The following TGFBR3 variants were observed in gnomAD, a reference collection of about 807,000 sequenced individuals.
The protein encoded by TGFBR3 is transforming growth factor beta receptor type 3.
TGFBR3 carries 46 observed loss-of-function variants against 87.9 expected under a neutral mutation model. The ratio of observed to expected loss-of-function variants is 0.52; its 90% CI spans 0.41 to 0.67. The LOEUF is 0.67. Ranked by LOEUF, TGFBR3 falls within the 30% of genes least tolerant of loss-of-function variation. TGFBR3 has a pLI of 0.00. For synonymous variants in TGFBR3, 381 were observed against 391.6 expected (o/e 0.97, Z 0.32); for missense variants, 866 against 1,041.9 (o/e 0.83, Z 2.32).
At chr1:91,810,076 G>A (rs529278041) in intron 2 of TGFBR3, among the ~76,000 whole-genome samples, 7 of 152,178 alleles carry the variant, frequency 4.6e-5, no homozygotes, top group Non-Finnish European at 8.8e-5. Flanking sequence ...GTAAGTGGAC[G>A]GGGACAAGGT....
chr1:91,792,667 T>C (rs1287668057), intron 3 of TGFBR3, among the ~76,000 whole-genome samples: 1 of 152,192 alleles, frequency 6.6e-6, no homozygotes, highest in Admixed American at 6.5e-5. Context: ...AAGCCTCTAA[T>C]GGTGCTGTAA....
At chr1:91,848,409 T>A (rs1677592471) in intron 2 of TGFBR3, among the ~76,000 whole-genome samples, 1 of 152,220 alleles carries the variant, frequency 6.6e-6, no homozygotes, top group Non-Finnish European at 1.5e-5. Context: ...ACTGGCCTAA[T>A]ATTTGTTTAT....
At chr1:91,720,910 G>A (rs958628961) in intron 8 of TGFBR3, among the ~76,000 whole-genome samples, 1 of 152,134 alleles carries the variant, frequency 6.6e-6, no homozygotes, top group African/African-American at 2.4e-5. Flanking sequence ...TGGCCTTTTG[G>A]AACATATTCC....
intron 2 of TGFBR3, among the ~76,000 whole-genome samples, chr1:91,805,012 C>T (rs577716895): frequency 1.3e-5 from 2 of 152,348 alleles, no homozygotes; most frequent in South Asian, 2.1e-4. Context: ...AGCACACACG[C>T]GTGCTCACTT....
chr1:91,905,630 C>T (rs920669237), intron 1 of TGFBR3, among the ~76,000 whole-genome samples: 3 of 151,674 alleles, frequency 2.0e-5, no homozygotes, highest in Admixed American at 6.6e-5. Context: ...GACGGGGTTT[C>T]GCTGATCCAC....
At chr1:91,718,136 T>A (rs1672241462) in intron 10 of TGFBR3, among the ~76,000 whole-genome samples, 1 of 152,054 alleles carries the variant, frequency 6.6e-6, no homozygotes, top group African/African-American at 2.4e-5. Context: ...GGACAAGAGG[T>A]CAGGAAGTTG....
Position 91,802,153 on chromosome 1 carries a change from A to G in TGFBR3, c.62-4682T>C, listed in dbSNP as rs555430253. Among the ~76,000 whole-genome samples the G allele has an allele frequency of 1.1e-4, 17 of 152,266 alleles. No individual in the cohort carries two copies. The East Asian group carries it at 3.3e-3, about 30-fold the overall frequency. On this transcript the variant is annotated intron_variant, in intron 2 of 16. Transcript: ENST00000212355. ...GAAAGGAAAGAGGCAGTGTGATTGT[A>G]TGAAGTTTTCCTTTGAATATCTTGG...
At chr1:91,786,719 C>G (rs575100260) in intron 3 of TGFBR3, among the ~76,000 whole-genome samples, 31 of 151,456 alleles carry the variant, frequency 2.0e-4, no homozygotes, top group Non-Finnish European at 3.5e-4. Flanking sequence ...CCAATGCACT[C>G]CAGCCTGGGT....
chr1:91,900,972 T>G (rs926400931), intron 1 of TGFBR3, among the ~76,000 whole-genome samples: 1 of 152,246 alleles, frequency 6.6e-6, no homozygotes, highest in Non-Finnish European at 1.5e-5. Flanking sequence ...ATGATCCTTC[T>G]GCCTCAGCCT....
At chr1:91,721,184 G>C (rs1410581333) in intron 8 of TGFBR3, among the ~76,000 whole-genome samples, 2 of 152,212 alleles carry the variant, frequency 1.3e-5, no homozygotes, top group Non-Finnish European at 2.9e-5. Flanking sequence ...CGCTAGAGCT[G>C]TAAGGGTCCA....
chr1:91,785,475 G>C (rs1257254589), intron 3 of TGFBR3, among the ~76,000 whole-genome samples: 1 of 152,126 alleles, frequency 6.6e-6, no homozygotes, highest in Non-Finnish European at 1.5e-5. Context: ...ACTTTAAACA[G>C]GTAAACTTTA....
At chr1:91,795,730 C>T (rs142506107) in intron 3 of TGFBR3, among the ~76,000 whole-genome samples, 56 of 152,244 alleles carry the variant, frequency 3.7e-4, no homozygotes, top group African/African-American at 1.3e-3. Flanking sequence ...TCCTCTCCTC[C>T]TTTCCCTCTC....
chr1:91,815,380 T>A (rs975276424), intron 2 of TGFBR3, among the ~76,000 whole-genome samples: 17 of 151,644 alleles, frequency 1.1e-4, no homozygotes, highest in Non-Finnish European at 2.5e-4. Context: ...AGGGTCATCA[T>A]GAAAACAAAT....
intron 11 of TGFBR3, 86 bp from the exon 12 acceptor site, chr1:91,716,480 T>C (rs529062256): frequency 2.4e-5 from 39 of 1,613,922 alleles, no homozygotes; most frequent in Middle Eastern, 1.7e-4. Context: ...GCTTTTAACA[T>C]CTGATTTTAT....
rs191563033 is a variant in TGFBR3, at chr1:91,900,441, T to G, written c.-174-744A>C. ...ACTTAATTATTTAAATCTAAGTTGT[T>G]AGCTGTTAGATGAACCGTTTCTAAA... On this transcript the variant is annotated intron_variant, in intron 1 of 17. Coordinates refer to the TGFBR3 transcript ENST00000370399. 3.9e-5 allele frequency among the ~76,000 whole-genome samples: 6 copies of G among 152,358 alleles called. No homozygotes were observed. In the East Asian group the frequency reaches 1.2e-3, roughly 29 times the overall value.
In TGFBR3 at chr1:91,695,703, C is replaced by T. The variant is rs768114361; in HGVS notation, c.2406G>A (p.Thr802=). 57 of 1,614,066 alleles carry T rather than the reference C, an allele frequency of 3.5e-5. No homozygotes were observed. The East Asian group carries it at 7.1e-4, about 20-fold the overall frequency. The change falls in exon 16 of 17, where the codon ACG becomes ACA. Residue 802 remains threonine (T), a synonymous_variant. Coordinates refer to ENST00000212355, the MANE Select transcript of TGFBR3 (RefSeq NM_003243.5). ...GAGAATAGATGTACCACAAGGCCCC[C>T]GTCAGGAGTGCTCCGATCACAAAGG... is the stretch of plus-strand genomic sequence containing the variant. The part of the protein sequence containing the change: ...FAAFVIGALL[T]GALWYIYSHT...
At chr1:91,732,846 C>G (rs988981508) in intron 5 of TGFBR3, among the ~76,000 whole-genome samples, 2 of 152,150 alleles carry the variant, frequency 1.3e-5, no homozygotes, top group Non-Finnish European at 2.9e-5. Context: ...ACCCGTGGCT[C>G]TCAGGGTAAG....
At chr1:91,712,711 A>T (rs1672025025) in intron 12 of TGFBR3, among the ~76,000 whole-genome samples, 169 bp from the exon 13 acceptor site, 1 of 152,250 alleles carries the variant, frequency 6.6e-6, no homozygotes, top group African/African-American at 2.4e-5. Flanking sequence ...ACATTGAAAG[A>T]AAAAGATATT....
chr1:91,882,138 C>T (rs898061921), intron 1 of TGFBR3, among the ~76,000 whole-genome samples: 12 of 129,598 alleles, frequency 9.3e-5, no homozygotes, highest in African/African-American at 2.6e-4. Context: ...AATTGAAAAC[C>T]TTTTTTTTTT....
Sources: gnomAD v4.1 joint callset for allele counts (sites outside exome capture counted in the v4.1 genomes callset) on GRCh38, gnomAD v4.1.1 for gene constraint, MANE v1.5 for transcripts, NCBI Gene and HGNC (gene_info 2026-07-23, HGNC 2026-07-21) for gene names.